CYFIP1: variants seen among roughly 807,000 people sequenced by gnomAD.
CYFIP1 encodes cytoplasmic FMR1 interacting protein 1, also known as cytoplasmic FMR1-interacting protein 1.
In CYFIP1, 58 loss-of-function variants were observed where a neutral mutation model predicts 163.5. That is an observed-to-expected ratio of 0.35 (90% CI 0.29 to 0.44). CYFIP1 has a LOEUF of 0.44. Among genes scored for constraint, CYFIP1 ranks in the 20% least tolerant of loss-of-function variants. The pLI is 1.00. For missense variants in CYFIP1, 1,338 were observed against 1,653.8 expected (o/e 0.81, Z 3.31); for synonymous variants, 663 against 660.7 (o/e 1.00, Z -0.05).
At chr15:22,977,871 A>T (rs2063330232) in intron 1 of CYFIP1, among the ~76,000 whole-genome samples, 3 of 152,016 alleles carry the variant, frequency 2.0e-5, no homozygotes, top group African/African-American at 7.2e-5. Context: ...AAAAGAAAAG[A>T]AAACAAAGGA....
chr15:22,888,082 TA>T (rs1850510981), intron 23 of CYFIP1, among the ~76,000 whole-genome samples: 1 of 152,218 alleles, frequency 6.6e-6, no homozygotes, highest in Admixed American at 6.5e-5. Flanking sequence ...AGGCATGCTG[TA>T]AGTGGTGACA....
At chr15:22,967,933 T>C (rs935628377) in intron 1 of CYFIP1, among the ~76,000 whole-genome samples, 1 of 151,994 alleles carries the variant, frequency 6.6e-6, no homozygotes, top group South Asian at 2.1e-4. Context: ...GTCAGGAGTT[T>C]GAGAACAGCC....
Position 22,912,160 on chromosome 15 carries a change from G to C in CYFIP1, c.2082+19C>G, listed in dbSNP as rs2060806975. 6.3e-7 allele frequency: 1 copy of C among 1,588,592 alleles called. No individual in the cohort carries two copies. Among genetic ancestry groups the C allele is most frequent in the Non-Finnish European group, 8.6e-7 (1 of 1,161,872 alleles). On this transcript the variant is annotated intron_variant, in intron 18 of 30. Coordinates refer to ENST00000617928, the MANE Select transcript of CYFIP1 (RefSeq NM_014608.6). ...TTAATTGAAGGAAATGAACAGAAAT[G>C]GAGCTGCAGGGGCCTCACCTCGGCC... is the stretch of plus-strand genomic sequence containing the variant.
intron 30 of CYFIP1, among the ~76,000 whole-genome samples, chr15:22,872,311 G>A (rs367593028): frequency 0.022 from 3,065 of 139,472 alleles, 117 homozygotes; most frequent in African/African-American, 0.075. Context: ...AAAAAAAAAA[G>A]AAAGAAAAAA....
rs1210112931 is a variant in CYFIP1 at position 22,928,155 on chromosome 15, G to A, written c.1111-127C>T. The A allele has an allele frequency of 1.5e-5, 18 of 1,189,696 alleles. No individual in the cohort carries two copies. The South Asian group carries it at 2.7e-4, about 18-fold the overall frequency. The allele number at this position is 1,189,696 out of a possible 1,614,324, so 73.7% of individuals were successfully genotyped here. A position where few individuals can be genotyped will look rare whatever the true frequency, so the allele number is the denominator to read the frequency against. On this transcript the variant is annotated intron_variant, in intron 11 of 30. Coordinates refer to ENST00000617928, the MANE Select transcript of CYFIP1 (RefSeq NM_014608.6). ...AAAATAAGAAATGCAGGAGGCCAAG[G>A]CGGGCGGATCACAAGGTCGGGAGAT...
At chr15:22,939,067 GT>G in intron 8 of CYFIP1, 124 bp downstream of exon 8, 1 of 1,228,460 alleles carries the variant, frequency 8.1e-7, no homozygotes, top group Non-Finnish European at 1.2e-6. Context: ...GCAGGACGCT[GT>G]TCACACATGA....
At chr15:22,895,303 T>A (rs1300194523) in intron 22 of CYFIP1, among the ~76,000 whole-genome samples, 1 of 152,096 alleles carries the variant, frequency 6.6e-6, no homozygotes. Context: ...CGTAAGCCAT[T>A]GTGCTTGGCC....
At chr15:22,944,238 C>CAAAAAAA (rs34662161) in intron 5 of CYFIP1, among the ~76,000 whole-genome samples, 1 of 94,982 alleles carries the variant, frequency 1.1e-5, no homozygotes, top group Admixed American at 1.1e-4. Context: ...GACTCTGTCT[C>CAAAAAAA]AAAAAAAAAA....
At chr15:22,925,893 G>A (rs1379300279) in intron 13 of CYFIP1, 89 bp downstream of exon 13, 1 of 1,554,040 alleles carries the variant, frequency 6.4e-7, no homozygotes, top group Non-Finnish European at 8.8e-7. Context: ...GAGTAAACAG[G>A]CAGTTTTGTT....
chr15:22,882,131 A>C (rs912319510), intron 24 of CYFIP1, among the ~76,000 whole-genome samples, 195 bp from the exon 25 acceptor site: 10 of 152,198 alleles, frequency 6.6e-5, no homozygotes, highest in African/African-American at 2.4e-4. Flanking sequence ...CCATGACTGA[A>C]TTCATGTTCT....
chr15:22,909,406 C>G, intron 20 of CYFIP1, 93 bp from the exon 21 acceptor site: 1 of 1,517,914 alleles, frequency 6.6e-7, no homozygotes, highest in Non-Finnish European at 9.1e-7. Context: ...AGAAGCTGGT[C>G]TGTCAATAAC....
chr15:22,883,117 C>G, intron 23 of CYFIP1, 106 bp from the exon 24 acceptor site: 1 of 1,322,194 alleles, frequency 7.6e-7, no homozygotes, highest in Non-Finnish European at 1.0e-6. Context: ...GTGAGCGGGT[C>G]TGAGTCTACT....
At chr15:22,964,303 C>T (rs1595719544) in intron 1 of CYFIP1, among the ~76,000 whole-genome samples, 1 of 115,362 alleles carries the variant, frequency 8.7e-6, no homozygotes, top group East Asian at 2.0e-4. Context: ...CACACACACA[C>T]ACACACACAC....
chr15:22,876,619 G>A (rs1044717547), intron 26 of CYFIP1, among the ~76,000 whole-genome samples: 53 of 152,046 alleles, frequency 3.5e-4, no homozygotes, highest in African/African-American at 1.2e-3. Context: ...GAGGCGGGAG[G>A]TCGGGAGTTC....
chr15:22,916,890 G>T (rs1378856090), intron 15 of CYFIP1: 1 of 1,551,814 alleles, frequency 6.4e-7, no homozygotes, highest in Non-Finnish European at 8.7e-7. Flanking sequence ...ACCACCAAAG[G>T]TTAAAAGGGG....
intron 11 of CYFIP1, among the ~76,000 whole-genome samples, chr15:22,931,223 C>T (rs1033752049): frequency 1.3e-5 from 2 of 152,186 alleles, no homozygotes; most frequent in Non-Finnish European, 2.9e-5. Flanking sequence ...AGCAAAGCAG[C>T]CTGCGTATAT....
chr15:22,939,557 T>C lies in CYFIP1; in HGVS notation c.570-50A>G, dbSNP rs1867599. On this transcript the variant is annotated intron_variant, in intron 6 of 30. Transcript: ENST00000617928. ...CCAAAATGCACCAACGTGCCACATTTAAAAAAAAAAAAAAAAAAAAAAAAG... is the reference window on the plus strand; with the variant it reads ...CCAAAATGCACCAACGTGCCACATTCAAAAAAAAAAAAAAAAAAAAAAAAG... 15 of 286,604 alleles carry C rather than the reference T, an allele frequency of 5.2e-5. No individual in the cohort carries two copies. In the Admixed American group the frequency reaches 8.6e-4, roughly 16 times the overall value. The allele number at this position is 286,604 out of a possible 1,614,324, so 17.8% of individuals were successfully genotyped here.
intron 1 of CYFIP1, among the ~76,000 whole-genome samples, chr15:22,970,493 G>A (rs2063055292): frequency 6.6e-6 from 1 of 152,132 alleles, no homozygotes; most frequent in Non-Finnish European, 1.5e-5. Flanking sequence ...AAGCAATCTT[G>A]AAAAAGATGA....
intron 14 of CYFIP1, 120 bp from the exon 15 acceptor site, chr15:22,918,055 A>C (rs2289816): frequency 0.8 from 937,540 of 1,164,812 alleles, 378,376 homozygotes; most frequent in African/African-American, 0.91. Context: ...AATACAAATT[A>C]CTCTGGGGGC....
Sources: gnomAD v4.1 joint callset for allele counts (sites outside exome capture counted in the v4.1 genomes callset) on GRCh38, gnomAD v4.1.1 for gene constraint, MANE v1.5 for transcripts, NCBI Gene and HGNC (gene_info 2026-07-23, HGNC 2026-07-21) for gene names.